Variants in VAT1L observed in about 807,000 individuals in gnomAD.
VAT1L encodes the protein putative NADPH-dependent quinone oxidoreductase VAT1L.
In VAT1L, 34 loss-of-function variants were observed where a neutral mutation model predicts 44.1. That is an observed-to-expected ratio of 0.77 (90% CI 0.59 to 1.03). The LOEUF (loss-of-function observed/expected upper bound fraction) is 1.03. VAT1L is among the 50% of genes least tolerant of loss of function. VAT1L has a pLI of 0.00. For synonymous variants in VAT1L, 253 were observed against 202.2 expected (o/e 1.25, Z -2.13); for missense variants, 615 against 538.8 (o/e 1.14, Z -1.40).
intron 7 of VAT1L, among the ~76,000 whole-genome samples, chr16:77,963,368 C>T (rs1343602309): frequency 6.6e-6 from 1 of 151,844 alleles, no homozygotes; most frequent in African/African-American, 2.4e-5. Flanking sequence ...GTGGGAGGGA[C>T]CTGCAAGCAA....
Position 77,938,321 on chromosome 16 carries a change from A to G in VAT1L, c.1078-33529A>G, listed in dbSNP as rs575936214. 1.3e-3 allele frequency among the ~76,000 whole-genome samples: 203 copies of G among 152,196 alleles called. 2 individuals are homozygous for G. The highest frequency in any genetic ancestry group is 1.9e-3 in the Non-Finnish European group (130 of 68,028). ...CTATTTAGCTGTCTGTGTTGTATGC[A>G]CTTGGGATATACCTATAAACAAAAC... On this transcript the variant is annotated intron_variant, in intron 7 of 8. Coordinates refer to ENST00000302536, the MANE Select transcript of VAT1L (RefSeq NM_020927.3).
chr16:77,947,126 C>T (rs567992353), intron 7 of VAT1L, among the ~76,000 whole-genome samples: 29 of 152,184 alleles, frequency 1.9e-4, no homozygotes, highest in Non-Finnish European at 3.4e-4. Flanking sequence ...GTTTCCCTTC[C>T]GTGCCTCTGC....
At chr16:77,840,274 A>G (rs2016690997) in intron 3 of VAT1L, among the ~76,000 whole-genome samples, 1 of 152,308 alleles carries the variant, frequency 6.6e-6, no homozygotes, top group South Asian at 2.1e-4. Flanking sequence ...GTGGGGAGGC[A>G]GGGAGGCAGG....
intron 1 of VAT1L, among the ~76,000 whole-genome samples, chr16:77,790,054 T>C (rs2015805047): frequency 6.6e-6 from 1 of 152,192 alleles, no homozygotes; most frequent in Non-Finnish European, 1.5e-5. Flanking sequence ...CACGAGCTTC[T>C]AGGTTAGATC....
intron 7 of VAT1L, among the ~76,000 whole-genome samples, chr16:77,942,345 G>T (rs56407011): frequency 6.6e-6 from 1 of 151,942 alleles, no homozygotes; most frequent in African/African-American, 2.4e-5. Context: ...ACCTCCCCCT[G>T]GTTCCCTCCC....
chr16:77,873,401 G>A (rs922930517), intron 4 of VAT1L, among the ~76,000 whole-genome samples: 11 of 152,104 alleles, frequency 7.2e-5, no homozygotes, highest in Admixed American at 2.0e-4. Context: ...TTTCCTTTCC[G>A]AGGAAGCACA....
intron 3 of VAT1L, among the ~76,000 whole-genome samples, chr16:77,833,596 C>T (rs1261429118): frequency 6.6e-6 from 1 of 151,768 alleles, no homozygotes; most frequent in African/African-American, 2.4e-5. Flanking sequence ...ACTACAAATA[C>T]AAAAATTAGC....
chr16:77,938,916 G>C (rs940678374), intron 7 of VAT1L, among the ~76,000 whole-genome samples: 4 of 152,110 alleles, frequency 2.6e-5, no homozygotes, highest in Non-Finnish European at 5.9e-5. Flanking sequence ...AGATAAAAGG[G>C]GAAACAGGAG....
intron 7 of VAT1L, among the ~76,000 whole-genome samples, chr16:77,965,742 C>A (rs189498094): frequency 2.5e-4 from 38 of 152,224 alleles, no homozygotes; most frequent in African/African-American, 8.9e-4. Context: ...GCCAGGGGCT[C>A]TAGGATGTGG....
rs117522529 is a variant in VAT1L, at chr16:77,948,931, G to A, written c.1078-22919G>A. ...TTGACACTTAGCATGCACTCAGCTG[G>A]TGTGCTAAGGGGTCGGTGTCAGCCA... is the stretch of plus-strand genomic sequence containing the variant. On this transcript the variant is annotated intron_variant, in intron 7 of 8. Coordinates refer to ENST00000302536, the MANE Select transcript of VAT1L (RefSeq NM_020927.3). Among the ~76,000 whole-genome samples the A allele has an allele frequency of 3.3e-3, 499 of 152,238 alleles. 1 individual carries two copies. The highest frequency in any genetic ancestry group is 7.5e-3 in the Admixed American group (115 of 15,288).
In VAT1L at chr16:77,973,019, C is replaced by G. The variant is rs188893286; in HGVS notation, c.1161+1086C>G. On this transcript the variant is annotated intron_variant, in intron 8 of 8. Transcript: ENST00000302536. ...TTTTTTCTTTCACCAGAATAAAACC[C>G]TTATATCCCAGGGATACCACCAGGA... Among the ~76,000 whole-genome samples, 6 of 151,772 alleles carry G rather than the reference C, an allele frequency of 4.0e-5. No individual in the cohort carries two copies. The South Asian group carries it at 6.3e-4, about 16-fold the overall frequency.
intron 1 of VAT1L, chr16:77,800,607 C>G (rs1373085670): frequency 3.9e-5 from 6 of 152,152 alleles, no homozygotes; most frequent in African/African-American, 1.4e-4. Flanking sequence ...TTCCTATTGC[C>G]TTGTTCTTTT....
chr16:77,938,010 G>T (rs2017824882), intron 7 of VAT1L, among the ~76,000 whole-genome samples: 1 of 152,226 alleles, frequency 6.6e-6, no homozygotes, highest in South Asian at 2.1e-4. Flanking sequence ...GACTCTAAGA[G>T]CGTAAAGGGC....
intron 7 of VAT1L, among the ~76,000 whole-genome samples, chr16:77,921,165 A>T (rs1125694): frequency 0.06 from 9,197 of 152,228 alleles, 346 homozygotes; most frequent in East Asian, 0.12. Context: ...GCCATTACTG[A>T]CAGGAATAGC....
chr16:77,843,674 A>T (rs254770), intron 3 of VAT1L, among the ~76,000 whole-genome samples: 40,697 of 152,150 alleles, frequency 0.27, 5,658 homozygotes, highest in Non-Finnish European at 0.3. Context: ...AAAAGGCTGT[A>T]TTCAGTGCAG....
intron 1 of VAT1L, among the ~76,000 whole-genome samples, chr16:77,789,847 CTG>C (rs1418341332): frequency 6.6e-6 from 1 of 152,182 alleles, no homozygotes; most frequent in Non-Finnish European, 1.5e-5. Flanking sequence ...TTAAGCCTCT[CTG>C]TGTGCGGGCA....
At chr16:77,798,649 A>C (rs2015984218) in intron 1 of VAT1L, among the ~76,000 whole-genome samples, 1 of 152,184 alleles carries the variant, frequency 6.6e-6, no homozygotes, top group African/African-American at 2.4e-5. Flanking sequence ...TTCTGAATGG[A>C]GTCCCTCATT....
intron 7 of VAT1L, among the ~76,000 whole-genome samples, chr16:77,896,377 A>AAT (rs148728253): frequency 0.041 from 6,170 of 152,242 alleles, 245 homozygotes; most frequent in East Asian, 0.16. Flanking sequence ...TGCCTCCCTC[A>AAT]TTGACATGTG....
At position 77,860,069 on chromosome 16, in the gene VAT1L, G is replaced by C. The variant is rs191602527; in HGVS notation, c.580-2679G>C. 2.6e-5 allele frequency among the ~76,000 whole-genome samples: 4 copies of C among 152,294 alleles called. No individual in the cohort carries two copies. In the East Asian group the frequency reaches 5.8e-4, roughly 22 times the overall value. Reference sequence around the variant, plus strand: ...TCATAGAGAGAAGACGGCGTGGAGAGACGCAGGGAGAATAGGCACATCTAC... The same window carrying C: ...TCATAGAGAGAAGACGGCGTGGAGACACGCAGGGAGAATAGGCACATCTAC... On this transcript the variant is annotated intron_variant, in intron 3 of 8. Transcript: ENST00000302536.
Sources: gnomAD v4.1 joint callset for allele counts (sites outside exome capture counted in the v4.1 genomes callset) on GRCh38, gnomAD v4.1.1 for gene constraint, MANE v1.5 for transcripts, NCBI Gene and HGNC (gene_info 2026-07-23, HGNC 2026-07-21) for gene names.